The following CACNA1C variants were observed in gnomAD, a reference collection of about 807,000 sequenced individuals.
The protein encoded by CACNA1C is calcium voltage-gated channel subunit alpha1 C.
In CACNA1C, 30 loss-of-function variants were observed where a neutral mutation model predicts 229.0. The ratio of observed to expected loss-of-function variants is 0.13; its 90% CI spans 0.10 to 0.18. The LOEUF is 0.18. CACNA1C is among the 10% of genes least tolerant of loss of function. The pLI, the probability that CACNA1C is intolerant of heterozygous loss-of-function variation, is 1.00. For synonymous variants in CACNA1C, 1,114 were observed against 1,132.5 expected, an observed-to-expected ratio of 0.98 and a Z score of 0.33; for missense variants, 1,658 against 2,845.0, an observed-to-expected ratio of 0.58 and a Z score of 9.49.
chr12:2,598,445 G>A (rs114704513), intron 21 of CACNA1C, among the ~76,000 whole-genome samples: 1,838 of 152,324 alleles, frequency 0.012, 37 homozygotes, highest in African/African-American at 0.041. Flanking sequence ...CAGGGTGTGA[G>A]TTCCATGACC....
At position 2,327,728 on chromosome 12, in the gene CACNA1C, A is replaced by C. The variant is rs868586489; in HGVS notation, c.478-121248A>C. Among the ~76,000 whole-genome samples the C allele has an allele frequency of 2.0e-5, 3 of 152,378 alleles. No homozygotes were observed. In the South Asian group the frequency reaches 6.2e-4, roughly 32 times the overall value. ...GGGTTGATGCAACAGCGTAATTACA[A>C]GGAAGATGGTGAACTTGGAAGGTTG... On this transcript the variant is annotated intron_variant, in intron 3 of 46. Coordinates refer to ENST00000399655, the MANE Select transcript of CACNA1C (RefSeq NM_000719.7).
At chr12:2,311,337 G>C (rs972985662) in intron 3 of CACNA1C, among the ~76,000 whole-genome samples, 1 of 152,204 alleles carries the variant, frequency 6.6e-6, no homozygotes. Flanking sequence ...ATTGCAAGAC[G>C]TGTGCTGGAA....
Position 2,677,243 on chromosome 12 carries a change from C to T in CACNA1C, c.4956+22C>T. ...GCAGGTGAGGGCCTGGGGGCGGGCC[C>T]ACACTCCAGGAAGGTCCTGGTCATT... On this transcript the variant is annotated intron_variant, in intron 40 of 46. Coordinates refer to ENST00000399655, the MANE Select transcript of CACNA1C (RefSeq NM_000719.7). This position sits in a 1 kb window ranked among gnomAD's most constrained non-coding sequence, Gnocchi z 7.4. 6.2e-7 allele frequency: 1 copy of T among 1,611,934 alleles called. No homozygotes were observed. Among genetic ancestry groups the T allele is most frequent in the Non-Finnish European group, 8.5e-7 (1 of 1,179,060 alleles).
At chr12:2,334,071 C>T (rs547929599) in intron 3 of CACNA1C, among the ~76,000 whole-genome samples, 5 of 152,314 alleles carry the variant, frequency 3.3e-5, no homozygotes, top group African/African-American at 1.2e-4. Context: ...TAGATCATTC[C>T]TAATGCTGCT....
At chr12:2,613,495 A>G (rs1051579777) in intron 29 of CACNA1C, 1 of 152,232 alleles carries the variant, frequency 6.6e-6, no homozygotes, top group African/African-American at 2.4e-5. Flanking sequence ...CAATATTCCT[A>G]CAATGCAGAT....
chr12:2,302,965 G>T (rs558545341), intron 3 of CACNA1C, among the ~76,000 whole-genome samples: 2 of 152,216 alleles, frequency 1.3e-5, no homozygotes, highest in Non-Finnish European at 2.9e-5. Flanking sequence ...CCCCGGGAGG[G>T]GGGCCTGGTA....
At chr12:2,164,336 A>T (rs989677588) in intron 3 of CACNA1C, among the ~76,000 whole-genome samples, 7 of 152,234 alleles carry the variant, frequency 4.6e-5, no homozygotes, top group African/African-American at 1.4e-4. Context: ...TGGAGGGCGT[A>T]GAAAACATGG....
intron 13 of CACNA1C, among the ~76,000 whole-genome samples, chr12:2,579,343 G>A (rs2059705643): frequency 6.6e-6 from 1 of 151,998 alleles, no homozygotes; most frequent in African/African-American, 2.4e-5. Flanking sequence ...GTGCACATGC[G>A]GACACTCTTC....
chr12:2,264,890 C>G (rs553055458), intron 3 of CACNA1C, among the ~76,000 whole-genome samples: 1 of 152,336 alleles, frequency 6.6e-6, no homozygotes, highest in East Asian at 1.9e-4. Flanking sequence ...CACCCCAGCC[C>G]AGAGCTGTTT....
intron 29 of CACNA1C, among the ~76,000 whole-genome samples, chr12:2,626,321 G>T (rs2086503687): frequency 6.6e-6 from 1 of 152,222 alleles, no homozygotes; most frequent in South Asian, 2.1e-4. Flanking sequence ...AGAGTGCTGA[G>T]CAGGAAGGGA....
At chr12:2,175,266 G>T (rs561289992) in intron 3 of CACNA1C, among the ~76,000 whole-genome samples, 1 of 152,204 alleles carries the variant, frequency 6.6e-6, no homozygotes, top group African/African-American at 2.4e-5. Context: ...TTCTAATAAA[G>T]TCTACACATT....
intron 3 of CACNA1C, among the ~76,000 whole-genome samples, chr12:2,443,061 A>T (rs1312689154): frequency 6.6e-6 from 1 of 152,180 alleles, no homozygotes; most frequent in African/African-American, 2.4e-5. Flanking sequence ...GTCCCCCCAA[A>T]GTCTTAAGTC....
chr12:2,199,921 C>T (rs2097535376), intron 3 of CACNA1C, among the ~76,000 whole-genome samples: 1 of 152,138 alleles, frequency 6.6e-6, no homozygotes, highest in East Asian at 1.9e-4. Flanking sequence ...TACCATCCTC[C>T]CAGCTCCTCA....
chr12:2,599,417 G>T (rs1266278113), intron 21 of CACNA1C, among the ~76,000 whole-genome samples: 2 of 152,328 alleles, frequency 1.3e-5, no homozygotes. Context: ...AAAAGGAAAG[G>T]CTTGTAGGCT....
chr12:2,004,068 C>T, intron 1 of CACNA1C: 2 of 665,318 alleles, frequency 3.0e-6, no homozygotes, highest in Non-Finnish European at 5.1e-6. Flanking sequence ...AGATTTAAGT[C>T]TTTTCCCCAA....
chr12:2,355,551 C>T (rs1042456513), intron 3 of CACNA1C, among the ~76,000 whole-genome samples: 1 of 152,218 alleles, frequency 6.6e-6, no homozygotes, highest in Non-Finnish European at 1.5e-5. Flanking sequence ...TGTCAAAACC[C>T]TACTGACTCT....
At chr12:2,680,547 G>A (rs1413936158) in intron 42 of CACNA1C, 3 of 1,569,960 alleles carry the variant, frequency 1.9e-6, no homozygotes, top group South Asian at 2.3e-5. Context: ...GTGGCTCCCA[G>A]CAGGCTGCAC....
intron 3 of CACNA1C, among the ~76,000 whole-genome samples, chr12:2,386,840 T>C (rs1176118159): frequency 6.6e-6 from 1 of 152,170 alleles, no homozygotes; most frequent in Non-Finnish European, 1.5e-5. Flanking sequence ...GATGGATAAA[T>C]GAGCTAAACC....
chr12:2,182,131 C>CA (rs56365126), intron 3 of CACNA1C, among the ~76,000 whole-genome samples: 4,403 of 86,142 alleles, frequency 0.051, 158 homozygotes, highest in Non-Finnish European at 0.075. Flanking sequence ...TTTCTGTCTG[C>CA]AAAAAAAAAA....
Sources: gnomAD v4.1 joint callset for allele counts (sites outside exome capture counted in the v4.1 genomes callset) on GRCh38, gnomAD v4.1.1 for gene constraint, Gnocchi (gnomAD v3.1) non-coding constraint, MANE v1.5 for transcripts, NCBI Gene and HGNC (gene_info 2026-07-23, HGNC 2026-07-21) for gene names.